Variants in COG6 observed in about 807,000 individuals in gnomAD.
The protein encoded by COG6 is component of oligomeric golgi complex 6.
In COG6, 74 loss-of-function variants were observed where a neutral mutation model predicts 88.8. The ratio of observed to expected loss-of-function variants is 0.83; its 90% CI spans 0.69 to 1.01. The LOEUF is 1.01. COG6 is among the 50% of genes least tolerant of loss of function. The pLI, the probability that COG6 is intolerant of heterozygous loss-of-function variation, is 0.00. For missense variants in COG6, 800 were observed against 797.9 expected (o/e 1.00, Z -0.03); for synonymous variants, 286 against 278.7 (o/e 1.03, Z -0.26).
intron 4 of COG6, among the ~76,000 whole-genome samples, chr13:39,668,741 A>T (rs4306389): frequency 0.72 from 107,587 of 150,294 alleles, 38,889 homozygotes; most frequent in Admixed American, 0.81. Flanking sequence ...TGAGCTGAGA[A>T]CGCGCCACTG....
Position 39,723,377 on chromosome 13 carries a change from T to C in COG6, c.1629T>C (p.Tyr543=), listed in dbSNP as rs759079343. ...LDTLINEQAS[Y]VLTRVGLSYI... Reference sequence around the variant, plus strand: ...CACTTATAAATGAGCAAGCCTCTTATGTTTTAACTAGGGTAGGCTTGAGTT... The same window carrying C: ...CACTTATAAATGAGCAAGCCTCTTACGTTTTAACTAGGGTAGGCTTGAGTT... The change falls in exon 16 of 19, where the codon TAT becomes TAC. Residue 543 remains tyrosine, a synonymous_variant. Transcript: ENST00000455146. The C allele has an allele frequency of 2.3e-5, 37 of 1,611,858 alleles. No homozygotes were observed. The highest frequency in any genetic ancestry group is 1.5e-4 in the Admixed American group (9 of 59,896).
At chr13:39,773,933 A>T (rs1881390083) in intron 18 of COG6, among the ~76,000 whole-genome samples, 2 of 151,536 alleles carry the variant, frequency 1.3e-5, no homozygotes, top group Admixed American at 6.6e-5. Context: ...GAAATTAATC[A>T]TACAAGGGAA....
At chr13:39,703,635 A>T (rs1877711855) in intron 13 of COG6, among the ~76,000 whole-genome samples, 1 of 152,134 alleles carries the variant, frequency 6.6e-6, no homozygotes, top group African/African-American at 2.4e-5. Flanking sequence ...GTATTCCCAC[A>T]AGAAAAAACA....
At chr13:39,679,298 G>T (rs1001797093) in intron 5 of COG6, 2 of 472,070 alleles carry the variant, frequency 4.2e-6, no homozygotes, top group South Asian at 2.8e-5. Flanking sequence ...TATTTTCCTG[G>T]CAACTGTCAA....
At chr13:39,694,958 C>CAG (rs781071269) in intron 12 of COG6, among the ~76,000 whole-genome samples, 2 of 75,916 alleles carry the variant, frequency 2.6e-5, no homozygotes, top group Non-Finnish European at 7.2e-5. Context: ...ACTACACGCA[C>CAG]ACACACACAC....
At chr13:39,756,522 G>A (rs965921542), downstream of COG6, among the ~76,000 whole-genome samples, 1 of 152,142 alleles carries the variant, frequency 6.6e-6, no homozygotes, top group African/African-American at 2.4e-5. Context: ...CATCCAAGAA[G>A]TTCACTGAGC....
intron 1 of COG6, among the ~76,000 whole-genome samples, chr13:39,658,408 G>C (rs1049964006): frequency 1.3e-5 from 2 of 152,010 alleles, no homozygotes; most frequent in African/African-American, 4.8e-5. Flanking sequence ...CTCCCAAACT[G>C]CTGGGATTAC....
At chr13:39,760,628 C>T (rs2138163236) in intron 18 of COG6, among the ~76,000 whole-genome samples, 1 of 151,986 alleles carries the variant, frequency 6.6e-6, no homozygotes, top group East Asian at 1.9e-4. Flanking sequence ...TTGCATTAAC[C>T]AAAAAATGTG....
At chr13:39,692,898 C>T (rs182689603) in intron 11 of COG6, among the ~76,000 whole-genome samples, 1 of 152,154 alleles carries the variant, frequency 6.6e-6, no homozygotes, top group East Asian at 1.9e-4. Flanking sequence ...TGCTGCTTTC[C>T]AGCTCTGCTA....
At chr13:39,706,976 G>A (rs1389817302) in intron 13 of COG6, among the ~76,000 whole-genome samples, 2 of 151,542 alleles carry the variant, frequency 1.3e-5, no homozygotes, top group African/African-American at 2.4e-5. Flanking sequence ...GAGCCACCAT[G>A]CCTGGCCTTT....
intron 18 of COG6, among the ~76,000 whole-genome samples, chr13:39,748,506 T>A (rs1307721957): frequency 6.6e-6 from 1 of 151,712 alleles, no homozygotes; most frequent in Non-Finnish European, 1.5e-5. Context: ...TCCCAGCTAC[T>A]CGGGAGGCTG....
chr13:39,706,344 G>C (rs1877925432), intron 13 of COG6, among the ~76,000 whole-genome samples: 1 of 146,520 alleles, frequency 6.8e-6, no homozygotes, highest in Admixed American at 6.9e-5. Context: ...TGTTTGGTTG[G>C]CTAGTCTTTA....
At chr13:39,764,415 C>G (rs1031904870) in intron 18 of COG6, among the ~76,000 whole-genome samples, 6 of 148,736 alleles carry the variant, frequency 4.0e-5, no homozygotes, top group African/African-American at 1.5e-4. Context: ...ATTTTATTTT[C>G]TCCTCTTTTT....
In COG6 at chr13:39,722,569, C is replaced by G. The variant is rs547383323; in HGVS notation, c.1585-764C>G. On this transcript the variant is annotated intron_variant, in intron 15 of 18. Coordinates refer to ENST00000455146, the MANE Select transcript of COG6 (RefSeq NM_020751.3). ...AACTGGTAAAATCTGGGGGAACATT[C>G]TGGTGAGGAATAGAAGGAAGACCTC... Among the ~76,000 whole-genome samples, 95 of 145,518 alleles carry G rather than the reference C, an allele frequency of 6.5e-4. 1 individual carries two copies. Among genetic ancestry groups the G allele is most frequent in the Non-Finnish European group, 1.3e-3 (84 of 67,130 alleles).
intron 3 of COG6, among the ~76,000 whole-genome samples, chr13:39,661,175 GA>G (rs900735294): frequency 2.6e-5 from 4 of 152,084 alleles, no homozygotes; most frequent in African/African-American, 7.2e-5. Flanking sequence ...TAGGAGTAAT[GA>G]TTTTTTTTAG....
At chr13:39,764,633 A>G (rs1881113738) in intron 18 of COG6, among the ~76,000 whole-genome samples, 1 of 152,072 alleles carries the variant, frequency 6.6e-6, no homozygotes, top group Admixed American at 6.5e-5. Context: ...TTTGACTCAT[A>G]GATTACTTAG....
intron 4 of COG6, 27 bp from the exon 5 acceptor site, chr13:39,677,441 T>G (rs1876038570): frequency 7.5e-7 from 1 of 1,325,532 alleles, no homozygotes; most frequent in Non-Finnish European, 1.1e-6. Context: ...GATGCTTGAT[T>G]TTTATTGCTT....
At chr13:39,740,004 A>G (rs1251186298) in intron 18 of COG6, among the ~76,000 whole-genome samples, 2 of 152,192 alleles carry the variant, frequency 1.3e-5, no homozygotes, top group African/African-American at 4.8e-5. Flanking sequence ...AGACTTTATT[A>G]TAATAGTCAC....
At chr13:39,733,492 A>G (rs1879570898) in intron 18 of COG6, among the ~76,000 whole-genome samples, 2 of 151,976 alleles carry the variant, frequency 1.3e-5, no homozygotes, top group Non-Finnish European at 2.9e-5. Flanking sequence ...CCCGGCCAAA[A>G]AGGAAGAATT....
Sources: gnomAD v4.1 joint callset for allele counts (sites outside exome capture counted in the v4.1 genomes callset) on GRCh38, gnomAD v4.1.1 for gene constraint, MANE v1.5 for transcripts, NCBI Gene and HGNC (gene_info 2026-07-23, HGNC 2026-07-21) for gene names.